ZC3H8: variants seen among roughly 807,000 people sequenced by gnomAD.
ZC3H8 encodes zinc finger CCCH-type containing 8.
In ZC3H8, 27 loss-of-function variants were observed where a neutral mutation model predicts 42.5. The observed-to-expected ratio is 0.64, with a 90% CI of 0.47 to 0.88. The LOEUF is 0.88. Among genes scored for constraint, ZC3H8 ranks in the 40% least tolerant of loss-of-function variants. ZC3H8 has a pLI of 0.00. For missense variants in ZC3H8, 277 were observed against 336.1 expected (o/e 0.82, Z 1.37); for synonymous variants, 101 against 110.1 (o/e 0.92, Z 0.52).
Position 112,238,482 on chromosome 2 carries a change from G to T in ZC3H8, c.203C>A (p.Ser68Ter). The T allele has an allele frequency of 6.2e-7, 1 of 1,612,250 alleles. No homozygotes were observed. Among genetic ancestry groups the T allele is most frequent in the South Asian group, 1.1e-5 (1 of 90,758 alleles). ...ISPKSSLHRK[S>*]RSKDYDVYSD... ...ATATACATCATAGTCCTTACTTCTT[G>T]ATTTTCTATGCAGCGAACTTTTTGG... Residue 68 changes from serine to a stop codon, truncating the protein, a stop_gained, in exon 3 of 9, where the codon TCA becomes TAA. Coordinates refer to ENST00000409573, the MANE Select transcript of ZC3H8 (RefSeq NM_032494.3). LOFTEE classifies it high-confidence loss of function.
At position 112,249,049 on chromosome 2, in the gene ZC3H8, C is replaced by T. The variant is rs573387917; in HGVS notation, c.156+1142G>A. On this transcript the variant is annotated intron_variant, in intron 2 of 8. Transcript: ENST00000409573. ...ATGTATATTTTTTCTCTACAAAAAA[C>T]ACAAAAATTAGCTGGGCGTGGTGGT... 2.2e-4 allele frequency among the ~76,000 whole-genome samples: 34 copies of T among 152,128 alleles called. No individual in the cohort carries two copies. In the South Asian group the frequency reaches 6.7e-3, roughly 30 times the overall value.
intron 8 of ZC3H8, among the ~76,000 whole-genome samples, chr2:112,223,192 G>A (rs1197092326): frequency 1.3e-5 from 2 of 151,666 alleles, no homozygotes; most frequent in Non-Finnish European, 2.9e-5. Context: ...CACCAACATG[G>A]CACATGTATA....
At chr2:112,231,797 TAAAAAA>T in intron 7 of ZC3H8, 35 bp downstream of exon 7, 1 of 1,341,984 alleles carries the variant, frequency 7.5e-7, no homozygotes, top group Non-Finnish European at 1.0e-6. Context: ...ACATATTCCT[TAAAAAA>T]GAAAAAACAA....
At chr2:112,250,122 T>C in intron 2 of ZC3H8, 69 bp downstream of exon 2, 1 of 1,154,664 alleles carries the variant, frequency 8.7e-7, no homozygotes. Context: ...TCTTTTTTTG[T>C]TGTTCCATGT....
intron 2 of ZC3H8, among the ~76,000 whole-genome samples, chr2:112,244,042 T>G (rs1018751965): frequency 2.6e-5 from 4 of 151,656 alleles, no homozygotes; most frequent in African/African-American, 9.7e-5. Flanking sequence ...AAATAAGAGA[T>G]ATGTCTCATA....
chr2:112,216,697 A>C (rs992897775), intron 8 of ZC3H8, among the ~76,000 whole-genome samples: 18 of 151,618 alleles, frequency 1.2e-4, no homozygotes, highest in African/African-American at 4.4e-4. Context: ...AAAAAAAAAA[A>C]TACAAATAAT....
chr2:112,227,043 C>T (rs1297019113), intron 8 of ZC3H8, among the ~76,000 whole-genome samples: 1 of 152,094 alleles, frequency 6.6e-6, no homozygotes, highest in Admixed American at 6.6e-5. Context: ...AGGAGAGAAC[C>T]TCCTTCAACT....
At chr2:112,250,315 C>T in intron 1 of ZC3H8, 43 bp from the exon 2 acceptor site, 1 of 1,446,636 alleles carries the variant, frequency 6.9e-7, no homozygotes, top group Admixed American at 2.1e-5. Flanking sequence ...TTTTTTCAAC[C>T]TGAAGTGTTC....
chr2:112,232,065 T>C, intron 6 of ZC3H8, 118 bp from the exon 7 acceptor site: 2 of 502,236 alleles, frequency 4.0e-6, no homozygotes, highest in Non-Finnish European at 6.7e-6. Flanking sequence ...GGCTCATGCC[T>C]GTAGGAGGCG....
Position 112,246,605 on chromosome 2 carries a change from A to G in ZC3H8, c.156+3586T>C, listed in dbSNP as rs575989091. On this transcript the variant is annotated intron_variant, in intron 2 of 8. Coordinates refer to ENST00000409573, the MANE Select transcript of ZC3H8 (RefSeq NM_032494.3). Reference sequence around the variant, plus strand: ...AGAGAACTAGAATTAGAAGTGGAGAATGAAGACGTGACTGAATTGCTGCAA... The same window carrying G: ...AGAGAACTAGAATTAGAAGTGGAGAGTGAAGACGTGACTGAATTGCTGCAA... 4.6e-5 allele frequency among the ~76,000 whole-genome samples: 7 copies of G among 152,332 alleles called. No individual in the cohort carries two copies. The South Asian group carries it at 1.0e-3, about 23-fold the overall frequency.
At chr2:112,249,127 A>G (rs1685858526) in intron 2 of ZC3H8, among the ~76,000 whole-genome samples, 2 of 152,138 alleles carry the variant, frequency 1.3e-5, no homozygotes, top group Admixed American at 1.3e-4. Context: ...TGAGTCCAGA[A>G]GGAGGTTGCA....
intron 8 of ZC3H8, among the ~76,000 whole-genome samples, chr2:112,218,067 T>G (rs990603342): frequency 6.6e-6 from 1 of 152,152 alleles, no homozygotes; most frequent in Non-Finnish European, 1.5e-5. Flanking sequence ...AGTTGTTCTT[T>G]CAAGTAAAAA....
At position 112,238,503 on chromosome 2, in the gene ZC3H8, T is replaced by C. The variant is rs767869595; in HGVS notation, c.182A>G (p.Lys61Arg). The C allele has an allele frequency of 6.2e-7, 1 of 1,611,160 alleles. No homozygotes were observed. Among genetic ancestry groups the C allele is most frequent in the Admixed American group, 1.7e-5 (1 of 59,870 alleles). ...KKFRHSAISP[K>R]SSLHRKSRSK... The stretch of plus-strand genomic sequence containing the variant: ...TCTTGATTTTCTATGCAGCGAACTT[T>C]TTGGTGATATTGCAGAGTGTCTAAA... The change falls in exon 3 of 9, where the codon AAA becomes AGA. Residue 61 changes from lysine to arginine, a missense_variant. By Grantham distance (26) the Lys-to-Arg change is conservative. Coordinates refer to ENST00000409573, the MANE Select transcript of ZC3H8 (RefSeq NM_032494.3).
chr2:112,253,950 G>A (rs762540279), intron 1 of ZC3H8: 1 of 185,656 alleles, frequency 5.4e-6, no homozygotes, highest in African/African-American at 2.4e-5. Flanking sequence ...ATGGATCCTG[G>A]ACATAGCTCT....
chr2:112,230,686 G>A, intron 8 of ZC3H8: 1 of 218,010 alleles, frequency 4.6e-6, no homozygotes, highest in Non-Finnish European at 9.1e-6. Context: ...AAACACAAGA[G>A]GAGAATAAAA....
In ZC3H8 at chr2:112,230,957, T is replaced by C. The variant is rs566239785; in HGVS notation, c.844-7A>G. The C allele has an allele frequency of 4.0e-5, 47 of 1,173,192 alleles. No individual in the cohort carries two copies. Among genetic ancestry groups the C allele is most frequent in the Non-Finnish European group, 4.9e-5 (44 of 891,778 alleles). 72.7% of individuals were successfully genotyped at this position (1,173,192 alleles called of 1,614,324 possible). A position where few individuals can be genotyped will look rare whatever the true frequency, so the allele number is the denominator to read the frequency against. ...TCTTTTCAGTATCCAAAACCTAATA[T>C]AAAAAAAAAATCACATAATCATTTT... On this transcript the variant is annotated splice_polypyrimidine_tract_variant and splice_region_variant and intron_variant, in intron 7 of 8. Coordinates refer to ENST00000409573, the MANE Select transcript of ZC3H8 (RefSeq NM_032494.3).
intron 1 of ZC3H8, among the ~76,000 whole-genome samples, chr2:112,253,175 C>T (rs1409128546): frequency 2.0e-5 from 3 of 151,924 alleles, no homozygotes; most frequent in Non-Finnish European, 4.4e-5. Context: ...CCCTCCCTAC[C>T]ATCCCACCAG....
rs1209581428 is a variant in ZC3H8, at chr2:112,215,931, CTAACAA to C, written c.*547_*552del. 6.6e-6 allele frequency: 1 copy of C among 152,080 alleles called. No individual in the cohort carries two copies. Among genetic ancestry groups the C allele is most frequent in the Non-Finnish European group, 1.5e-5 (1 of 68,006 alleles). 9.4% of individuals were successfully genotyped at this position (152,080 alleles called of 1,614,324 possible). On this transcript the variant is annotated 3_prime_UTR_variant, in exon 9 of 9. Coordinates refer to ENST00000409573, the MANE Select transcript of ZC3H8 (RefSeq NM_032494.3). ...ATAGTAAGAAACTGGAAACAAATGT[CTAACAA>C]TAGGAAACTGGTTTAAAAAAATCAT...
intron 8 of ZC3H8, among the ~76,000 whole-genome samples, chr2:112,225,946 G>T (rs1272191694): frequency 1.3e-5 from 2 of 151,992 alleles, no homozygotes; most frequent in Non-Finnish European, 2.9e-5. Flanking sequence ...GCCGGGTGTG[G>T]TGGCGCACAC....
Sources: gnomAD v4.1 joint callset for allele counts (sites outside exome capture counted in the v4.1 genomes callset) on GRCh38, gnomAD v4.1.1 for gene constraint, MANE v1.5 for transcripts, NCBI Gene and HGNC (gene_info 2026-07-23, HGNC 2026-07-21) for gene names.